Variants in PCNX2 observed in about 807,000 individuals in gnomAD.
The protein encoded by PCNX2 is pecanex 2, also known as pecanex-like protein 2.
PCNX2 carries 168 observed loss-of-function variants against 223.8 expected under a neutral mutation model. That is an observed-to-expected ratio of 0.75 (90% CI 0.66 to 0.85). PCNX2 has a LOEUF of 0.85. PCNX2 is among the 40% of genes least tolerant of loss of function. The pLI, the probability that PCNX2 is intolerant of heterozygous loss-of-function variation, is 0.00. For missense variants in PCNX2, 2,507 were observed against 2,675.5 expected (o/e 0.94, Z 1.39); for synonymous variants, 1,006 against 1,052.6 (o/e 0.96, Z 0.86).
chr1:233,083,019 C>T lies in PCNX2; in HGVS notation c.4076+7042G>A, dbSNP rs1436261495. Among the ~76,000 whole-genome samples, 3 of 152,152 alleles carry T rather than the reference C, an allele frequency of 2.0e-5. No individual in the cohort carries two copies. In the East Asian group the frequency reaches 5.8e-4, roughly 29 times the overall value. ...AACTTCCTCTTTTCAGTAAACCACA[C>T]TCACGCATAAGATCAGGATGAAGAA... On this transcript the variant is annotated intron_variant, in intron 23 of 33. Transcript: ENST00000258229.
At chr1:233,277,984 T>G (rs1661000596) in intron 1 of PCNX2, among the ~76,000 whole-genome samples, 1 of 152,272 alleles carries the variant, frequency 6.6e-6, no homozygotes, top group Non-Finnish European at 1.5e-5. Flanking sequence ...ATGTTTATCA[T>G]TCTTTATTGA....
chr1:233,279,881 A>G (rs1661100666), intron 1 of PCNX2, among the ~76,000 whole-genome samples: 1 of 152,212 alleles, frequency 6.6e-6, no homozygotes, highest in African/African-American at 2.4e-5. Context: ...CCATCAATCT[A>G]TCAAGGTTCA....
intron 19 of PCNX2, among the ~76,000 whole-genome samples, chr1:233,144,951 T>G (rs988567824): frequency 1.9e-4 from 12 of 63,860 alleles, no homozygotes; most frequent in African/African-American, 7.6e-4. Context: ...TGTTGTTGTT[T>G]TGTTTTTTTT....
At chr1:233,044,810 A>C (rs1370851038) in intron 25 of PCNX2, among the ~76,000 whole-genome samples, 1 of 152,026 alleles carries the variant, frequency 6.6e-6, no homozygotes, top group Non-Finnish European at 1.5e-5. Flanking sequence ...CTGTGATTAC[A>C]GGTGCATGCC....
At chr1:233,113,016 A>G (rs1261354930) in intron 21 of PCNX2, 9 of 1,287,878 alleles carry the variant, frequency 7.0e-6, no homozygotes, top group Non-Finnish European at 9.1e-6. Context: ...TAAATCTTTA[A>G]GGGATGTGTA....
chr1:233,295,217 G>A lies in PCNX2; in HGVS notation c.153+109C>T. On this transcript the variant is annotated intron_variant, in intron 1 of 33. Transcript: ENST00000258229. This position sits in a 1 kb window ranked among gnomAD's most constrained non-coding sequence, Gnocchi z 4.1. ...AAGCCCCTCCCTTTCCGTCTCTTAAGAATCTCTACGAACCCGAAAGCCCGT... is the reference window on the plus strand; with the variant it reads ...AAGCCCCTCCCTTTCCGTCTCTTAAAAATCTCTACGAACCCGAAAGCCCGT... 6.9e-7 allele frequency: 1 copy of A among 1,458,970 alleles called. No individual in the cohort carries two copies. Among genetic ancestry groups the A allele is most frequent in the Non-Finnish European group, 9.3e-7 (1 of 1,072,520 alleles). The allele number at this position is 1,458,970 out of a possible 1,614,324, so 90.4% of individuals were successfully genotyped here.
chr1:233,227,457 C>T, intron 9 of PCNX2, 86 bp from the exon 10 acceptor site: 5 of 1,187,890 alleles, frequency 4.2e-6, no homozygotes, highest in African/African-American at 1.5e-5. Context: ...TGTATACACA[C>T]ACACACATAT....
chr1:233,146,265 C>T (rs530337136), intron 19 of PCNX2, among the ~76,000 whole-genome samples: 1 of 152,222 alleles, frequency 6.6e-6, no homozygotes, highest in Non-Finnish European at 1.5e-5. Flanking sequence ...TATGTACCTA[C>T]TAGAATGTCT....
chr1:233,281,703 G>A (rs1661200098), intron 1 of PCNX2, among the ~76,000 whole-genome samples: 1 of 152,182 alleles, frequency 6.6e-6, no homozygotes, highest in African/African-American at 2.4e-5. Context: ...AATTCCAAGA[G>A]TAATGTCTCT....
intron 23 of PCNX2, among the ~76,000 whole-genome samples, chr1:233,086,075 G>T (rs1261103281): frequency 6.6e-6 from 1 of 152,210 alleles, no homozygotes; most frequent in Non-Finnish European, 1.5e-5. Flanking sequence ...TTTAATTGGG[G>T]TGATCAGGAC....
At chr1:233,320,982 T>C in the PCNX2 span, among the ~76,000 whole-genome samples, 2 of 151,888 alleles carry the variant, frequency 1.3e-5, no homozygotes, top group East Asian at 3.9e-4. Flanking sequence ...GAATAAGAGA[T>C]TCACTTTGTT....
At chr1:233,039,565 C>T (rs1373606304) in intron 25 of PCNX2, among the ~76,000 whole-genome samples, 2 of 152,182 alleles carry the variant, frequency 1.3e-5, no homozygotes, top group Non-Finnish European at 2.9e-5. Flanking sequence ...GGGCATCCTA[C>T]CATGAGCCAG....
chr1:233,316,179 C>T, the PCNX2 span, among the ~76,000 whole-genome samples: 1 of 152,176 alleles, frequency 6.6e-6, no homozygotes, highest in Non-Finnish European at 1.5e-5. Flanking sequence ...GGGCTCCAGT[C>T]CTGTCCACTG....
At chr1:233,105,162 CTGAA>C (rs1182841945) in intron 21 of PCNX2, among the ~76,000 whole-genome samples, 1 of 151,916 alleles carries the variant, frequency 6.6e-6, no homozygotes, top group Non-Finnish European at 1.5e-5. Context: ...TGAAAAAACT[CTGAA>C]TGAACTATTT....
intron 8 of PCNX2, among the ~76,000 whole-genome samples, chr1:233,243,985 C>T (rs1658949318): frequency 6.6e-6 from 1 of 152,142 alleles, no homozygotes; most frequent in Non-Finnish European, 1.5e-5. Context: ...GCATGTGCCA[C>T]CATGCCCAGC....
intron 19 of PCNX2, among the ~76,000 whole-genome samples, chr1:233,152,734 G>C (rs907971550): frequency 6.6e-6 from 1 of 152,136 alleles, no homozygotes; most frequent in African/African-American, 2.4e-5. Context: ...AGCACAATGG[G>C]TGCCAGGCAC....
rs1411692972 is a variant in PCNX2, at chr1:233,172,545, G to A, written c.3273+5257C>T. On this transcript the variant is annotated intron_variant, in intron 17 of 33. Coordinates refer to ENST00000258229, the MANE Select transcript of PCNX2 (RefSeq NM_014801.4). ...TGAGGATCATCCTCACTCTGAGAGT[G>A]TGGCACTTTGGTGTCCCAGGCTGAT... is the stretch of plus-strand genomic sequence containing the variant. 4.1e-6 allele frequency: 4 copies of A among 985,246 alleles called. No individual in the cohort carries two copies. The African/African-American group carries it at 7.0e-5, about 17-fold the overall frequency. The allele number at this position is 985,246 out of a possible 1,614,324, so 61.0% of individuals were successfully genotyped here. A position where few individuals can be genotyped will look rare whatever the true frequency, so the allele number is the denominator to read the frequency against.
intron 23 of PCNX2, among the ~76,000 whole-genome samples, chr1:233,089,412 T>C (rs868763723): frequency 1.3e-5 from 2 of 152,288 alleles, no homozygotes; most frequent in African/African-American, 4.8e-5. Flanking sequence ...TCTCAAGACC[T>C]TCCCCACAAA....
In PCNX2 at chr1:233,038,468, G is replaced by A. The variant is rs16858544; in HGVS notation, c.4352-13069C>T. Among the ~76,000 whole-genome samples, 51 of 152,232 alleles carry A rather than the reference G, an allele frequency of 3.4e-4. 2 individuals carry two copies. The East Asian group carries it at 9.3e-3, about 28-fold the overall frequency. On this transcript the variant is annotated intron_variant, in intron 25 of 33. Coordinates refer to ENST00000258229, the MANE Select transcript of PCNX2 (RefSeq NM_014801.4). ...GTTAAGATATGCAGATCCTGTTCAC[G>A]TTCAGCAAGAAGCCCTTTTTCTTCC...
Sources: allele counts gnomAD v4.1 joint callset (sites outside exome capture counted in the v4.1 genomes callset), GRCh38; gene constraint gnomAD v4.1.1; non-coding constraint Gnocchi (gnomAD v3.1); transcripts MANE v1.5; gene names NCBI Gene and HGNC (gene_info 2026-07-23, HGNC 2026-07-21).